The following FSTL5 variants were observed in gnomAD, a reference collection of about 807,000 sequenced individuals.
FSTL5 encodes the protein follistatin like 5, also known as follistatin-related protein 5.
A neutral mutation model predicts 89.1 loss-of-function variants in FSTL5; 62 were observed. The ratio of observed to expected loss-of-function variants is 0.70; its 90% CI spans 0.57 to 0.86. The LOEUF (loss-of-function observed/expected upper bound fraction) is 0.86. Among genes scored for constraint, FSTL5 ranks in the 40% least tolerant of loss-of-function variants. The pLI, the probability that FSTL5 is intolerant of heterozygous loss-of-function variation, is 0.00. For synonymous variants in FSTL5, 383 were observed against 346.2 expected (o/e 1.11, Z -1.18); for missense variants, 1,057 against 1,001.6 (o/e 1.06, Z -0.75).
intron 2 of FSTL5, among the ~76,000 whole-genome samples, chr4:162,072,839 C>T (rs564278720): frequency 4.1e-4 from 63 of 151,910 alleles, no homozygotes; most frequent in Admixed American, 1.1e-3. Flanking sequence ...AAGCAGATTA[C>T]TCTCCCTAAT....
intron 3 of FSTL5, among the ~76,000 whole-genome samples, chr4:161,984,811 T>G (rs562572228): frequency 2.0e-5 from 3 of 152,276 alleles, no homozygotes; most frequent in African/African-American, 7.2e-5. Flanking sequence ...TGGTACAAAT[T>G]TGGCTATATA....
At chr4:162,115,201 A>G (rs1250238688) in intron 1 of FSTL5, among the ~76,000 whole-genome samples, 1 of 152,146 alleles carries the variant, frequency 6.6e-6, no homozygotes, top group Non-Finnish European at 1.5e-5. Context: ...TTCTTCATTG[A>G]AATATTACTA....
intron 2 of FSTL5, among the ~76,000 whole-genome samples, chr4:162,077,778 T>C (rs1241876500): frequency 6.6e-6 from 1 of 151,876 alleles, no homozygotes; most frequent in East Asian, 1.9e-4. Flanking sequence ...TGGATTCTTT[T>C]GCTTGATTTA....
In FSTL5 at chr4:161,726,125, T is replaced by C. The variant is rs941040002; in HGVS notation, c.727+33286A>G. ...GCACTAAGCTATCCTGCTTCTACAA[T>C]GAATTCAAAACAAAAAACTATATTA... On this transcript the variant is annotated intron_variant, in intron 6 of 15. Coordinates refer to ENST00000306100, the MANE Select transcript of FSTL5 (RefSeq NM_020116.5). Among the ~76,000 whole-genome samples the C allele has an allele frequency of 2.0e-5, 3 of 151,868 alleles. 1 individual carries two copies. The South Asian group carries it at 6.2e-4, about 31-fold the overall frequency.
In FSTL5 at chr4:161,775,086, C is replaced by T. The variant is rs148459796; in HGVS notation, c.606+792G>A. Reference sequence around the variant, plus strand: ...AAATACTTGTTTAATAAGACCAATACTCCACAATGCCAGATTTTTTAAATA... The same window carrying T: ...AAATACTTGTTTAATAAGACCAATATTCCACAATGCCAGATTTTTTAAATA... On this transcript the variant is annotated intron_variant, in intron 5 of 15. Transcript: ENST00000306100. Among the ~76,000 whole-genome samples the T allele has an allele frequency of 2.3e-3, 351 of 152,204 alleles. 4 individuals carry two copies. The highest frequency in any genetic ancestry group is 8.0e-3 in the African/African-American group (333 of 41,538).
At chr4:161,552,754 T>G (rs1351872560) in intron 8 of FSTL5, among the ~76,000 whole-genome samples, 2 of 151,756 alleles carry the variant, frequency 1.3e-5, no homozygotes, top group African/African-American at 4.8e-5. Flanking sequence ...CACATAGAAT[T>G]GAAGGATAAG....
chr4:161,538,444 A>C (rs1731708537), intron 9 of FSTL5, 144 bp from the exon 10 acceptor site: 1 of 844,668 alleles, frequency 1.2e-6, no homozygotes, highest in Non-Finnish European at 1.9e-6. Context: ...AGGCATGCCA[A>C]ATTATTCCAG....
At chr4:161,828,988 A>G (rs1180542583) in intron 4 of FSTL5, among the ~76,000 whole-genome samples, 1 of 151,884 alleles carries the variant, frequency 6.6e-6, no homozygotes, top group Non-Finnish European at 1.5e-5. Flanking sequence ...TCTTTGACCA[A>G]GTCTCAGGTT....
At chr4:161,435,522 AG>A (rs1732528992) in intron 15 of FSTL5, among the ~76,000 whole-genome samples, 1 of 133,384 alleles carries the variant, frequency 7.5e-6, no homozygotes, top group African/African-American at 2.6e-5. Context: ...ATAGCACAAC[AG>A]GGTGGCTACA....
chr4:161,896,592 T>C (rs1042017273), intron 4 of FSTL5, among the ~76,000 whole-genome samples: 2 of 152,160 alleles, frequency 1.3e-5, no homozygotes, highest in Non-Finnish European at 2.9e-5. Flanking sequence ...ATATATAAAA[T>C]GCAGTATACA....
intron 10 of FSTL5, among the ~76,000 whole-genome samples, chr4:161,522,940 C>T (rs1045891779): frequency 3.0e-5 from 4 of 133,472 alleles, no homozygotes; most frequent in Admixed American, 7.4e-5. Context: ...TAATTTTTAT[C>T]CTCTAATACA....
rs201742286 is a variant in FSTL5, at chr4:161,516,719, A to G, written c.1313-6295T>C. 4.9e-3 allele frequency among the ~76,000 whole-genome samples: 245 copies of G among 50,500 alleles called. 5 individuals carry two copies. Among genetic ancestry groups the G allele is most frequent in the African/African-American group, 0.012 (210 of 17,510 alleles). 33.1% of individuals were successfully genotyped at this position (50,500 alleles called of 152,430 possible). On this transcript the variant is annotated intron_variant, in intron 10 of 15. Transcript: ENST00000306100. ...TTATTATATGTAAATATATATATAT[A>G]TATGTACACACACACACACACACAC...
intron 6 of FSTL5, among the ~76,000 whole-genome samples, chr4:161,702,747 T>C (rs532802346): frequency 6.6e-6 from 1 of 152,284 alleles, no homozygotes; most frequent in Admixed American, 6.5e-5. Flanking sequence ...GATTATTGAC[T>C]TCACTTATTG....
At chr4:161,552,370 T>C (rs754467361) in intron 8 of FSTL5, 6 of 151,830 alleles carry the variant, frequency 4.0e-5, no homozygotes, top group Admixed American at 2.0e-4. Flanking sequence ...CAGCAAAAAA[T>C]TGAGACAGCC....
At chr4:161,604,776 T>G (rs1418209612) in intron 7 of FSTL5, among the ~76,000 whole-genome samples, 3 of 152,140 alleles carry the variant, frequency 2.0e-5, no homozygotes, top group Non-Finnish European at 4.4e-5. Flanking sequence ...CAAGCACTGT[T>G]GGAGCCTAGG....
intron 3 of FSTL5, among the ~76,000 whole-genome samples, chr4:161,955,644 G>C (rs551040355): frequency 6.6e-6 from 1 of 151,722 alleles, no homozygotes; most frequent in South Asian, 2.1e-4. Context: ...ACATCAAAAT[G>C]TAATAGTAGT....
intron 6 of FSTL5, among the ~76,000 whole-genome samples, chr4:161,726,901 CAAAA>C (rs752981511): frequency 0.023 from 3,257 of 142,714 alleles, 48 homozygotes; most frequent in Non-Finnish European, 0.028. Context: ...TCCCAAAGAG[CAAAA>C]AAAAAAAATA....
chr4:161,417,530 T>C (rs1054818902), intron 15 of FSTL5, among the ~76,000 whole-genome samples: 2 of 152,248 alleles, frequency 1.3e-5, no homozygotes, highest in Non-Finnish European at 2.9e-5. Context: ...GCCTAGATAC[T>C]AGAAATAGGT....
intron 12 of FSTL5, among the ~76,000 whole-genome samples, chr4:161,486,222 A>T (rs1729674274): frequency 6.6e-6 from 1 of 152,070 alleles, no homozygotes; most frequent in Non-Finnish European, 1.5e-5. Context: ...AATTTATGTG[A>T]ATAAAAACAA....
Sources: gnomAD v4.1 joint callset for allele counts (sites outside exome capture counted in the v4.1 genomes callset) on GRCh38, gnomAD v4.1.1 for gene constraint, MANE v1.5 for transcripts, NCBI Gene and HGNC (gene_info 2026-07-23, HGNC 2026-07-21) for gene names.